Variants in RBFOX1 observed in about 807,000 individuals in gnomAD.
RBFOX1 encodes RNA binding protein fox-1 homolog 1.
Under a neutral mutation model 57.7 loss-of-function variants are expected in RBFOX1, and 8 were observed. The observed-to-expected ratio is 0.14, with a 90% CI of 0.08 to 0.25. RBFOX1 has a LOEUF of 0.25. RBFOX1 is among the 10% of genes least tolerant of loss of function. RBFOX1 has a pLI of 1.00. For synonymous variants in RBFOX1, 326 were observed against 222.4 expected, an observed-to-expected ratio of 1.47 and a Z score of -4.15; for missense variants, 611 against 548.5, an observed-to-expected ratio of 1.11 and a Z score of -1.14.
intron 4 of RBFOX1, among the ~76,000 whole-genome samples, chr16:7,434,902 G>T (rs1007198499): frequency 6.6e-6 from 1 of 152,096 alleles, no homozygotes; most frequent in Non-Finnish European, 1.5e-5. Context: ...ACCACACTGG[G>T]CTAATTTTTG....
chr16:7,204,675 T>A (rs2089532439), intron 4 of RBFOX1, among the ~76,000 whole-genome samples: 1 of 152,160 alleles, frequency 6.6e-6, no homozygotes, highest in East Asian at 1.9e-4. Context: ...AGTTCCTCAC[T>A]GTTCTAAGAC....
intron 3 of RBFOX1, among the ~76,000 whole-genome samples, chr16:6,892,211 G>C (rs2065614197): frequency 6.6e-6 from 1 of 152,086 alleles, no homozygotes; most frequent in African/African-American, 2.4e-5. Context: ...TGGCCAAGCA[G>C]AACTTCCCCA....
At chr16:6,537,331 A>T (rs1401451786) in intron 2 of RBFOX1, among the ~76,000 whole-genome samples, 4 of 152,214 alleles carry the variant, frequency 2.6e-5, no homozygotes, top group African/African-American at 9.6e-5. Flanking sequence ...TCTCTGCAAT[A>T]GAATTGCATC....
chr16:6,042,140 G>A (rs529107219), intron 1 of RBFOX1, among the ~76,000 whole-genome samples: 22 of 146,620 alleles, frequency 1.5e-4, no homozygotes, highest in Admixed American at 4.2e-4. Context: ...TCCCACTGTC[G>A]CCAGAGCTGG....
chr16:6,772,225 G>C (rs952874716), intron 3 of RBFOX1, among the ~76,000 whole-genome samples: 3 of 152,128 alleles, frequency 2.0e-5, no homozygotes, highest in Non-Finnish European at 2.9e-5. Flanking sequence ...GGCTAGTGGG[G>C]AGTTTTTTTA....
chr16:5,371,404 G>A (rs897315887), intron 1 of RBFOX1, among the ~76,000 whole-genome samples: 3 of 152,192 alleles, frequency 2.0e-5, no homozygotes, highest in Non-Finnish European at 4.4e-5. Context: ...AGGGAGAAGA[G>A]AGGCACCTGC....
chr16:7,530,358 G>T (rs1412416309), intron 5 of RBFOX1, among the ~76,000 whole-genome samples: 1 of 152,108 alleles, frequency 6.6e-6, no homozygotes, highest in African/African-American at 2.4e-5. Context: ...CATTGAAATA[G>T]ACAAAGTCCC....
At chr16:5,971,207 C>T (rs990091628) in intron 4 of RBFOX1, among the ~76,000 whole-genome samples, 1 of 152,226 alleles carries the variant, frequency 6.6e-6, no homozygotes, top group East Asian at 1.9e-4. Context: ...TATTATTTTT[C>T]CTCAAGGAAT....
intron 3 of RBFOX1, among the ~76,000 whole-genome samples, chr16:6,818,678 C>A (rs945768510): frequency 6.6e-6 from 1 of 152,048 alleles, no homozygotes; most frequent in African/African-American, 2.4e-5. Context: ...TGGTAAAGCC[C>A]CTTAGTGTTT....
At chr16:7,168,165 A>T (rs1467129768) in intron 4 of RBFOX1, among the ~76,000 whole-genome samples, 1 of 152,178 alleles carries the variant, frequency 6.6e-6, no homozygotes, top group African/African-American at 2.4e-5. Flanking sequence ...TCACTTATCA[A>T]TGATGGCTTT....
At position 7,712,099 on chromosome 16, in the gene RBFOX1, G is replaced by T. The variant is rs969023706; in HGVS notation, c.*1354G>T. ...GTCTCCCCACCTTTCTCGGATGCAG[G>T]GCCAGAGTGACACAGCCGAAAAATT... On this transcript the variant is annotated 3_prime_UTR_variant, in exon 16 of 16. Coordinates refer to ENST00000550418, the MANE Select transcript of RBFOX1 (RefSeq NM_018723.4). 1 of 152,518 alleles carries T rather than the reference G, an allele frequency of 6.6e-6. No homozygotes were observed. The highest frequency in any genetic ancestry group is 1.5e-5 in the Non-Finnish European group (1 of 68,032). The allele number at this position is 152,518 out of a possible 1,614,324, so 9.4% of individuals were successfully genotyped here. A position where few individuals can be genotyped will look rare whatever the true frequency, so the allele number is the denominator to read the frequency against.
chr16:5,913,191 A>G (rs2058639338), intron 4 of RBFOX1, among the ~76,000 whole-genome samples: 1 of 152,186 alleles, frequency 6.6e-6, no homozygotes, highest in African/African-American at 2.4e-5. Flanking sequence ...ATAGGTAGAA[A>G]GCCACACACG....
At chr16:7,420,944 C>T (rs1361143980) in intron 4 of RBFOX1, among the ~76,000 whole-genome samples, 1 of 147,736 alleles carries the variant, frequency 6.8e-6, no homozygotes, top group African/African-American at 2.5e-5. Flanking sequence ...TATATACACA[C>T]ACACACACAC....
At chr16:5,746,156 T>C (rs1487550439) in intron 3 of RBFOX1, among the ~76,000 whole-genome samples, 2 of 152,230 alleles carry the variant, frequency 1.3e-5, no homozygotes, top group East Asian at 3.8e-4. Flanking sequence ...TTTCTCTATA[T>C]GGCTAGCCAG....
intron 3 of RBFOX1, among the ~76,000 whole-genome samples, chr16:5,664,451 G>A (rs929068621): frequency 9.2e-5 from 14 of 152,208 alleles, no homozygotes; most frequent in Admixed American, 7.9e-4. Flanking sequence ...GGGAGGCTGA[G>A]GCAGACAATC....
At chr16:6,682,055 G>T (rs772582917) in intron 3 of RBFOX1, among the ~76,000 whole-genome samples, 1 of 152,126 alleles carries the variant, frequency 6.6e-6, no homozygotes, top group South Asian at 2.1e-4. Flanking sequence ...CATATCTACT[G>T]GATCCAGTTT....
chr16:7,162,338 G>A (rs12924739), intron 4 of RBFOX1, among the ~76,000 whole-genome samples: 36,309 of 151,866 alleles, frequency 0.24, 4,855 homozygotes, highest in Non-Finnish European at 0.31. Flanking sequence ...TCTATTTGGC[G>A]AAATGAATAT....
chr16:7,344,823 G>C (rs1023208730), intron 4 of RBFOX1, among the ~76,000 whole-genome samples: 3 of 152,192 alleles, frequency 2.0e-5, no homozygotes, highest in African/African-American at 7.2e-5. Context: ...GCAAAGCTTT[G>C]GTGTCTGTCG....
intron 2 of RBFOX1, among the ~76,000 whole-genome samples, chr16:5,495,084 C>T (rs768853330): frequency 5.9e-5 from 9 of 152,182 alleles, no homozygotes; most frequent in Non-Finnish European, 1.2e-4. Context: ...AATTGACTTA[C>T]ACTTCTGCAG....
Sources: gnomAD v4.1 joint callset for allele counts (sites outside exome capture counted in the v4.1 genomes callset) on GRCh38, gnomAD v4.1.1 for gene constraint, MANE v1.5 for transcripts, NCBI Gene and HGNC (gene_info 2026-07-23, HGNC 2026-07-21) for gene names.